TXLNB: variants seen among roughly 807,000 people sequenced by gnomAD.
TXLNB encodes taxilin beta, also known as beta-taxilin.
In TXLNB, 37 loss-of-function variants were observed where a neutral mutation model predicts 57.4. The observed-to-expected ratio is 0.64, with a 90% CI of 0.50 to 0.85. TXLNB has a LOEUF of 0.85. Ranked by LOEUF, TXLNB falls within the 40% of genes least tolerant of loss-of-function variation. The probability of loss-of-function intolerance (pLI) is 0.00; values close to 1 mark genes in which losing one functional copy is unlikely to be tolerated. For synonymous variants in TXLNB, 302 were observed against 309.6 expected, an observed-to-expected ratio of 0.98 and a Z score of 0.26; for missense variants, 848 against 825.6, an observed-to-expected ratio of 1.03 and a Z score of -0.33.
At chr6:139,290,415 T>C (rs1777278647) in intron 1 of TXLNB, among the ~76,000 whole-genome samples, 1 of 152,176 alleles carries the variant, frequency 6.6e-6, no homozygotes, top group Admixed American at 6.5e-5. Flanking sequence ...ATGATACTTA[T>C]AACAACAATT....
chr6:139,166,873 C>T, the TXLNB span: 2 of 1,613,886 alleles, frequency 1.2e-6, no homozygotes, highest in East Asian at 2.2e-5. Flanking sequence ...ACTTCAGCGG[C>T]CCCCGCTCCT....
chr6:139,167,074 T>C, the TXLNB span: 1 of 1,614,152 alleles, frequency 6.2e-7, no homozygotes, highest in Non-Finnish European at 8.5e-7. Flanking sequence ...AACTCCTCAC[T>C]CACATCCCCA....
At chr6:139,317,920 A>G in the TXLNB span, among the ~76,000 whole-genome samples, 1 of 152,126 alleles carries the variant, frequency 6.6e-6, no homozygotes, top group Non-Finnish European at 1.5e-5. Context: ...AAAAAATTTA[A>G]AAAACAGAAG....
At chr6:139,174,848 C>A in the TXLNB span, among the ~76,000 whole-genome samples, 4 of 152,010 alleles carry the variant, frequency 2.6e-5, no homozygotes, top group African/African-American at 9.7e-5. Flanking sequence ...AACCTGTTAC[C>A]AGATGGTCTC....
chr6:139,166,456 C>G, the TXLNB span: 15 of 1,614,180 alleles, frequency 9.3e-6, no homozygotes, highest in African/African-American at 1.3e-5. Context: ...TCAACTGCAT[C>G]GGCCGCGCGC....
the TXLNB span, chr6:139,166,416 A>G: frequency 6.8e-6 from 11 of 1,614,226 alleles, no homozygotes; most frequent in South Asian, 3.3e-5. Flanking sequence ...CAGTGCTTCT[A>G]CGAGTGGGAG....
chr6:139,163,352 C>CTTTTT, the TXLNB span, among the ~76,000 whole-genome samples: 1 of 142,464 alleles, frequency 7.0e-6, no homozygotes, highest in South Asian at 2.3e-4. Context: ...GTTCTCCATT[C>CTTTTT]TTTTTTTTTT....
intron 2 of TXLNB, among the ~76,000 whole-genome samples, chr6:139,288,194 G>GA (rs1466195111): frequency 6.6e-6 from 1 of 152,224 alleles, no homozygotes; most frequent in Non-Finnish European, 1.5e-5. Flanking sequence ...GGACTGGTTG[G>GA]AGTTAGACCA....
Position 139,242,525 on chromosome 6 carries a change from C to T in TXLNB, c.*1G>A, listed in dbSNP as rs753395583. Reference sequence around the variant, plus strand: ...AGAAGCCTCTGAAGGCACGGTGAGGCTTAGTCGACGCCTTCCAGATTGGTG... The same window carrying T: ...AGAAGCCTCTGAAGGCACGGTGAGGTTTAGTCGACGCCTTCCAGATTGGTG... On this transcript the variant is annotated 3_prime_UTR_variant, in exon 10 of 10. Transcript: ENST00000358430. The T allele has an allele frequency of 4.0e-6, 6 of 1,498,538 alleles. No individual in the cohort carries two copies. Among genetic ancestry groups the T allele is most frequent in the Middle Eastern group, 5.1e-4 (2 of 3,922 alleles). 92.8% of individuals were successfully genotyped at this position (1,498,538 alleles called of 1,614,324 possible). A position where few individuals can be genotyped will look rare whatever the true frequency, so the allele number is the denominator to read the frequency against.
chr6:139,161,143 A>T, the TXLNB span, among the ~76,000 whole-genome samples: 1 of 152,038 alleles, frequency 6.6e-6, no homozygotes, highest in Admixed American at 6.5e-5. Flanking sequence ...AGGCCAACAC[A>T]CTTCAGCAAA....
rs201569089 is a variant in TXLNB, at chr6:139,270,625, A to T, written c.518T>A (p.Leu173Gln). ...CTTTTGCTCAGTACGATGTTCATCC[A>T]GCTGTACACATGGAGATACAAACAT... ...DFLFKKYAEL[L>Q]DEHRTEQKKL... The change falls in exon 4 of 10, where the codon CTG (leucine) becomes CAG (glutamine). Residue 173 changes from leucine to glutamine, a missense_variant and splice_region_variant. By Grantham distance (113) the Leu-to-Gln change is moderately radical. Transcript: ENST00000358430. 6.2e-7 allele frequency: 1 copy of T among 1,613,864 alleles called. No individual in the cohort carries two copies. The highest frequency in any genetic ancestry group is 1.1e-5 in the South Asian group (1 of 91,054).
the TXLNB span, among the ~76,000 whole-genome samples, chr6:139,217,040 G>C: frequency 2.8e-4 from 43 of 151,994 alleles, no homozygotes; most frequent in Non-Finnish European, 5.7e-4. Context: ...CAAACAAAGG[G>C]ACCTAGATAA....
chr6:139,244,333 A>G (rs1775013524), intron 9 of TXLNB, among the ~76,000 whole-genome samples: 1 of 152,218 alleles, frequency 6.6e-6, no homozygotes, highest in East Asian at 1.9e-4. Flanking sequence ...TAAAGGGGAC[A>G]GCTGCCCTGG....
At chr6:139,307,741 A>G in the TXLNB span, among the ~76,000 whole-genome samples, 2,638 of 152,290 alleles carry the variant, frequency 0.017, 77 homozygotes, top group African/African-American at 0.06. Flanking sequence ...TTGGATATCT[A>G]AACAAATGGC....
At chr6:139,188,670 T>C in the TXLNB span, among the ~76,000 whole-genome samples, 1 of 152,270 alleles carries the variant, frequency 6.6e-6, no homozygotes, top group East Asian at 1.9e-4. Flanking sequence ...TTAATGCATA[T>C]GTAGCACTTT....
the TXLNB span, among the ~76,000 whole-genome samples, chr6:139,316,689 A>G: frequency 1.3e-5 from 2 of 152,330 alleles, no homozygotes; most frequent in East Asian, 1.9e-4. Context: ...TGTAAAAAGT[A>G]TTTTTTAAAA....
chr6:139,204,261 T>A, the TXLNB span, among the ~76,000 whole-genome samples: 1 of 152,316 alleles, frequency 6.6e-6, no homozygotes, highest in Admixed American at 6.5e-5. Context: ...TTTCACCATG[T>A]TGGCCAGGCT....
intron 1 of TXLNB, among the ~76,000 whole-genome samples, chr6:139,290,500 T>A (rs2114648534): frequency 6.6e-6 from 1 of 152,312 alleles, no homozygotes; most frequent in South Asian, 2.1e-4. Flanking sequence ...GATTACAACT[T>A]TCTCTTCTAA....
the TXLNB span, among the ~76,000 whole-genome samples, chr6:139,187,921 G>C: frequency 2.6e-5 from 4 of 152,330 alleles, no homozygotes; most frequent in South Asian, 8.3e-4. Flanking sequence ...TGCAGTCACT[G>C]GCATGGAGTA....
Sources: allele counts gnomAD v4.1 joint callset (sites outside exome capture counted in the v4.1 genomes callset), GRCh38; gene constraint gnomAD v4.1.1; transcripts MANE v1.5; gene names NCBI Gene and HGNC (gene_info 2026-07-23, HGNC 2026-07-21).